Variants in SYNE2 observed in about 807,000 individuals in gnomAD.
The protein encoded by SYNE2 is spectrin repeat containing nuclear envelope protein 2, also known as nesprin-2.
A neutral mutation model predicts 856.3 loss-of-function variants in SYNE2; 431 were observed. That is an observed-to-expected ratio of 0.50 (90% CI 0.47 to 0.55). SYNE2 has a LOEUF of 0.55. SYNE2 is among the 20% of genes least tolerant of loss of function. SYNE2 has a pLI of 0.00. For synonymous variants in SYNE2, 2,923 were observed against 2,872.3 expected (o/e 1.02, Z -0.56); for missense variants, 8,129 against 8,023.2 (o/e 1.01, Z -0.50).
intron 26 of SYNE2, 123 bp downstream of exon 26, chr14:63,998,451 A>T: frequency 1.5e-6 from 1 of 684,414 alleles, no homozygotes; most frequent in Admixed American, 2.4e-5. Context: ...CCAGTAACTT[A>T]GAAATTCTAT....
chr14:64,023,353 A>C (rs1306108095), intron 38 of SYNE2: 1 of 158,992 alleles, frequency 6.3e-6, no homozygotes, highest in Admixed American at 6.1e-5. Flanking sequence ...TTAAGACTCT[A>C]TTTATTGGGT....
At chr14:63,959,097 T>C (rs969708002) in intron 8 of SYNE2, among the ~76,000 whole-genome samples, 1 of 152,018 alleles carries the variant, frequency 6.6e-6, no homozygotes, top group Non-Finnish European at 1.5e-5. Flanking sequence ...CCCTGGCTCT[T>C]TTTATTGGAG....
intron 49 of SYNE2, 141 bp downstream of exon 49, chr14:64,056,407 G>A (rs2097269153): frequency 9.1e-6 from 6 of 659,480 alleles, no homozygotes; most frequent in East Asian, 3.1e-5. Context: ...GAGATAATTT[G>A]GAAAATATGG....
intron 7 of SYNE2, among the ~76,000 whole-genome samples, chr14:63,951,737 A>T (rs933947703): frequency 1.6e-4 from 25 of 152,074 alleles, no homozygotes; most frequent in African/African-American, 6.1e-4. Flanking sequence ...TTTGTACTCC[A>T]GTTTTCTATA....
At chr14:63,825,406 T>C (rs989840413) in intron 1 of SYNE2, among the ~76,000 whole-genome samples, 4 of 152,012 alleles carry the variant, frequency 2.6e-5, no homozygotes, top group African/African-American at 9.7e-5. Context: ...GGTTGCAAGA[T>C]ATAAGAGCAA....
At chr14:64,182,959 G>T (rs1344555399) in intron 96 of SYNE2, among the ~76,000 whole-genome samples, 1 of 151,914 alleles carries the variant, frequency 6.6e-6, no homozygotes, top group Non-Finnish European at 1.5e-5. Flanking sequence ...CAGAAGGGGC[G>T]GCCGGGCAGA....
At position 64,193,366 on chromosome 14, in the gene SYNE2, A is replaced by G. The variant is rs553523407; in HGVS notation, c.18038+3129A>G. Among the ~76,000 whole-genome samples the G allele has an allele frequency of 5.3e-5, 8 of 152,284 alleles. No individual in the cohort carries two copies. The East Asian group carries it at 9.7e-4, about 18-fold the overall frequency. Reference sequence around the variant, plus strand: ...GGAGTTTGAGACCAGCCTGGCTTACATGGCGAAACCCCATCTCTACCAAAA... The same window carrying G: ...GGAGTTTGAGACCAGCCTGGCTTACGTGGCGAAACCCCATCTCTACCAAAA... On this transcript the variant is annotated intron_variant, in intron 99 of 115. Transcript: ENST00000555002.
intron 2 of SYNE2, among the ~76,000 whole-genome samples, chr14:63,918,348 T>G (rs1279001382): frequency 6.6e-6 from 1 of 152,242 alleles, no homozygotes; most frequent in Non-Finnish European, 1.5e-5. Context: ...TGATTATAGT[T>G]TCCTGGAGTA....
At chr14:64,001,849 C>A in intron 28 of SYNE2, 85 bp from the exon 29 acceptor site, 1 of 1,418,672 alleles carries the variant, frequency 7.0e-7, no homozygotes, top group Non-Finnish European at 1.0e-6. Flanking sequence ...ATTTTCTGTT[C>A]TTAGTTCAGT....
rs7153184 is a variant in SYNE2, at chr14:64,078,185, A to T, written c.11023-281A>T. Among the ~76,000 whole-genome samples, 1,068 of 152,342 alleles carry T rather than the reference A, an allele frequency of 7.0e-3. 16 individuals carry two copies. The highest frequency in any genetic ancestry group is 0.024 in the African/African-American group (1,018 of 41,578). ...ACTCAGTAATTTTGCCCAACACAGCATATATCTGTAATACATGTTACAATA... is the reference window on the plus strand; with the variant it reads ...ACTCAGTAATTTTGCCCAACACAGCTTATATCTGTAATACATGTTACAATA... On this transcript the variant is annotated intron_variant, in intron 54 of 115. Coordinates refer to ENST00000555002, the MANE Select transcript of SYNE2 (RefSeq NM_182914.3).
At position 64,223,395 on chromosome 14, in the gene SYNE2, A is replaced by G; in HGVS notation, c.20382+15A>G. The G allele has an allele frequency of 1.2e-6, 2 of 1,613,214 alleles. No homozygotes were observed. Among genetic ancestry groups the G allele is most frequent in the Non-Finnish European group, 1.7e-6 (2 of 1,179,548 alleles). ...AGGGAACCCAGGTGAGTCTACTTGT[A>G]GCTTTTAACTGTAAAGATTGCCGTA... is the stretch of plus-strand genomic sequence containing the variant. On this transcript the variant is annotated intron_variant, in intron 113 of 115. Coordinates refer to ENST00000555002, the MANE Select transcript of SYNE2 (RefSeq NM_182914.3).
At chr14:63,967,640 A>G (rs370726266) in intron 10 of SYNE2, 69 bp from the exon 11 acceptor site, 280 of 1,529,972 alleles carry the variant, frequency 1.8e-4, no homozygotes, top group Non-Finnish European at 2.4e-4. Context: ...ATAGACCTCA[A>G]AATAACAGAT....
At chr14:64,103,405 G>A (rs1046327112) in intron 64 of SYNE2, among the ~76,000 whole-genome samples, 2 of 149,592 alleles carry the variant, frequency 1.3e-5, no homozygotes, top group Non-Finnish European at 3.0e-5. Flanking sequence ...AATTAGATGC[G>A]CTAAGTCTTT....
rs773457205 is a variant in SYNE2, at chr14:63,990,811, A to G, written c.2473-131A>G. 1,373 of 820,990 alleles carry G rather than the reference A, an allele frequency of 1.7e-3. 29 individuals are homozygous for G. Among genetic ancestry groups the G allele is most frequent in the Non-Finnish European group, 2.6e-4 (129 of 500,998 alleles). The allele number at this position is 820,990 out of a possible 1,614,324, so 50.9% of individuals were successfully genotyped here. On this transcript the variant is annotated intron_variant, in intron 20 of 115. Transcript: ENST00000555002. Reference sequence around the variant, plus strand: ...AAATTTAGATAGATTTATAATTTAGATAGATTTATCATAATTTAGATAGAT... The same window carrying G: ...AAATTTAGATAGATTTATAATTTAGGTAGATTTATCATAATTTAGATAGAT...
chr14:63,978,814 A>G, intron 13 of SYNE2, 38 bp from the exon 14 acceptor site: 1 of 1,573,168 alleles, frequency 6.4e-7, no homozygotes, highest in Non-Finnish European at 8.7e-7. Flanking sequence ...TTGGTCAATA[A>G]TATTAAGTTA....
chr14:63,929,366 A>T (rs1377784031), intron 2 of SYNE2, among the ~76,000 whole-genome samples: 1 of 152,216 alleles, frequency 6.6e-6, no homozygotes, highest in Non-Finnish European at 1.5e-5. Context: ...TACCAATAAC[A>T]AATAAGTAAT....
Position 64,052,265 on chromosome 14 carries a change from G to A in SYNE2, c.8352G>A (p.Ser2784=), listed in dbSNP as rs758339284. 16 of 1,614,042 alleles carry A rather than the reference G, an allele frequency of 9.9e-6. No homozygotes were observed. In the Admixed American group the frequency reaches 1.2e-4, roughly 12 times the overall value. Reference sequence around the variant, plus strand: ...TAGCTAGGCAGCAGTCTGTGGAATCGTTGGCTGAAGAGGTCAAAGATAAGG... The same window carrying A: ...TAGCTAGGCAGCAGTCTGTGGAATCATTGGCTGAAGAGGTCAAAGATAAGG... The part of the protein sequence containing the change: ...GILARQQSVE[S]LAEEVKDKVP... Residue 2784 remains serine (S), a synonymous_variant, in exon 48 of 116, where the codon TCG becomes TCA. Transcript: ENST00000555002.
At chr14:64,008,893 A>G (rs1395825064) in intron 31 of SYNE2, among the ~76,000 whole-genome samples, 2 of 152,038 alleles carry the variant, frequency 1.3e-5, no homozygotes, top group African/African-American at 4.8e-5. Context: ...GGCATGACCT[A>G]TTTGCGGGGG....
chr14:64,030,354 A>G (rs953024674), intron 44 of SYNE2, among the ~76,000 whole-genome samples: 5 of 152,216 alleles, frequency 3.3e-5, no homozygotes, highest in Admixed American at 2.0e-4. Context: ...AATCTATCCT[A>G]GTACTTGGCT....
Sources: allele counts gnomAD v4.1 joint callset (sites outside exome capture counted in the v4.1 genomes callset), GRCh38; gene constraint gnomAD v4.1.1; transcripts MANE v1.5; gene names NCBI Gene and HGNC (gene_info 2026-07-23, HGNC 2026-07-21).